Variants in SPANXN4 observed in about 807,000 individuals in gnomAD.
SPANXN4 encodes the protein sperm protein associated with the nucleus on the X chromosome N4.
In SPANXN4, 5 loss-of-function variants were observed where a neutral mutation model predicts 6.0. The ratio of observed to expected loss-of-function variants is 0.83; its 90% CI spans 0.44 to 1.75. The LOEUF (loss-of-function observed/expected upper bound fraction) is 1.75. Among genes scored for constraint, SPANXN4 ranks in the 40% most tolerant of loss-of-function variants. SPANXN4 has a pLI of 0.02. For missense variants in SPANXN4, 157 were observed against 108.6 expected (o/e 1.45, Z -1.98); for synonymous variants, 45 against 38.0 (o/e 1.19, Z -0.68).
chrX:143,034,097 AC>A lies in SPANXN4; in HGVS notation c.149del (p.Thr50AsnfsTer2). 8.5e-7 allele frequency: 1 copy of A among 1,179,730 alleles called. No homozygotes were observed. On this transcript the variant is annotated frameshift_variant, in exon 2 of 3. Coordinates refer to ENST00000370504, the Ensembl canonical transcript of SPANXN4. LOFTEE classifies it high-confidence loss of function. ...AGAGACAGAAAAAGCAAAATATCCA[AC>A]ATTAGTGTTTTACTGCAGGAAGAAT...
At position 143,026,105 on chromosome X, in the gene SPANXN4, G is replaced by A; in HGVS notation, c.78+13G>A. 2 of 1,190,306 alleles carry A rather than the reference G, an allele frequency of 1.7e-6. No homozygotes were observed. Among genetic ancestry groups the A allele is most frequent in the Non-Finnish European group, 2.3e-6 (2 of 881,222 alleles). Reference sequence around the variant, plus strand: ...AAAAGTTGACAAGGTCAGATTGTTAGGTTTTGAAGGGAAGGTGAGGGTGAA... The same window carrying A: ...AAAAGTTGACAAGGTCAGATTGTTAAGTTTTGAAGGGAAGGTGAGGGTGAA... On this transcript the variant is annotated intron_variant, in intron 1 of 2. Coordinates refer to ENST00000370504, the Ensembl canonical transcript of SPANXN4.
intron 1 of SPANXN4, among the ~76,000 whole-genome samples, chrX:143,027,300 A>G (rs1186190574): frequency 8.9e-6 from 1 of 111,841 alleles, no homozygotes; most frequent in Non-Finnish European, 1.9e-5. Context: ...AGAGAGAGAT[A>G]AATGGGTTTT....
downstream of SPANXN4, among the ~76,000 whole-genome samples, chrX:143,036,727 A>G (rs1475254176): frequency 4.5e-5 from 5 of 111,832 alleles, no homozygotes; most frequent in Admixed American, 4.8e-4. Context: ...CTTTTCTTTT[A>G]CAATATTGGT....
At chrX:143,034,095 C>T (rs202128194) in exon 2 of SPANXN4, 4 of 1,179,418 alleles carry the variant, frequency 3.4e-6, no homozygotes, top group East Asian at 6.3e-5. Flanking sequence ...GCAAAATATC[C>T]AACATTAGTG....
intron 1 of SPANXN4, among the ~76,000 whole-genome samples, chrX:143,031,818 G>A (rs1932811403): frequency 9.0e-6 from 1 of 111,685 alleles, no homozygotes; most frequent in Non-Finnish European, 1.9e-5. Context: ...GATGTCGGGG[G>A]CTGACTGGGA....
downstream of SPANXN4, among the ~76,000 whole-genome samples, chrX:143,035,969 T>C (rs1355304559): frequency 9.5e-6 from 1 of 105,508 alleles, no homozygotes; most frequent in Non-Finnish European, 1.9e-5. Flanking sequence ...CCTCTGTCTA[T>C]TGGACCCCTT....
intron 1 of SPANXN4, among the ~76,000 whole-genome samples, chrX:143,032,529 G>A (rs763895493): frequency 9.0e-6 from 1 of 110,920 alleles, no homozygotes; most frequent in African/African-American, 3.3e-5. Context: ...GGCTTGTCCT[G>A]AGGAGGAGGC....
chrX:143,028,737 AAGCTGATTTGTT>A (rs1932792062), intron 1 of SPANXN4, among the ~76,000 whole-genome samples: 1 of 110,793 alleles, frequency 9.0e-6, no homozygotes, highest in South Asian at 3.9e-4. Context: ...CATGTGGGTG[AAGCTGATTTGTT>A]AGTCCTGCCC....
At chrX:143,035,805 T>C (rs187406091), downstream of SPANXN4, among the ~76,000 whole-genome samples, 7 of 109,654 alleles carry the variant, frequency 6.4e-5, no homozygotes, top group East Asian at 1.7e-3. Context: ...AGCTAAAATC[T>C]ACTTATTTAA....
intron 1 of SPANXN4, among the ~76,000 whole-genome samples, chrX:143,032,260 A>G (rs1436195462): frequency 9.0e-6 from 1 of 111,597 alleles, no homozygotes; most frequent in Non-Finnish European, 1.9e-5. Context: ...GAGAGATGGG[A>G]ACATGATCTC....
chrX:143,037,255 G>C (rs775936153), downstream of SPANXN4, among the ~76,000 whole-genome samples: 1 of 110,989 alleles, frequency 9.0e-6, no homozygotes, highest in East Asian at 2.8e-4. Context: ...CAGAATCCAA[G>C]ATTTGAACCC....
At chrX:143,031,831 T>G (rs1055431193) in intron 1 of SPANXN4, among the ~76,000 whole-genome samples, 1 of 111,610 alleles carries the variant, frequency 9.0e-6, no homozygotes, top group Non-Finnish European at 1.9e-5. Context: ...GACTGGGAGA[T>G]AAAGTGTAAA....
At chrX:143,038,389 T>A (rs1932853498), downstream of SPANXN4, among the ~76,000 whole-genome samples, 1 of 112,013 alleles carries the variant, frequency 8.9e-6, no homozygotes, top group Admixed American at 9.5e-5. Context: ...TTGGTTACAT[T>A]AATTAATAAC....
chrX:143,027,112 C>T (rs1932783131), intron 1 of SPANXN4, among the ~76,000 whole-genome samples: 1 of 112,088 alleles, frequency 8.9e-6, no homozygotes, highest in Admixed American at 9.4e-5. Context: ...GGTGGACAGA[C>T]AAAAGTTGTA....
intron 1 of SPANXN4, among the ~76,000 whole-genome samples, chrX:143,032,624 T>G (rs1383852124): frequency 9.0e-6 from 1 of 110,820 alleles, no homozygotes; most frequent in African/African-American, 3.3e-5. Flanking sequence ...TGAACGGAGA[T>G]AAGCAAAGCA....
At chrX:143,030,284 G>A (rs1241796766) in intron 1 of SPANXN4, among the ~76,000 whole-genome samples, 1 of 111,267 alleles carries the variant, frequency 9.0e-6, no homozygotes, top group African/African-American at 3.3e-5. Context: ...AAGAATTAGG[G>A]GGTAGGAGAA....
downstream of SPANXN4, among the ~76,000 whole-genome samples, chrX:143,037,926 C>A (rs1368412135): frequency 9.0e-6 from 1 of 111,495 alleles, no homozygotes; most frequent in African/African-American, 3.3e-5. Flanking sequence ...GAATGTAAGT[C>A]AATTAAACCT....
Sources: gnomAD v4.1 joint callset for allele counts (sites outside exome capture counted in the v4.1 genomes callset) on GRCh38, gnomAD v4.1.1 for gene constraint, MANE v1.5 for transcripts, NCBI Gene and HGNC (gene_info 2026-07-23, HGNC 2026-07-21) for gene names.